The following TMEM18 variants were observed in gnomAD, a reference collection of about 807,000 sequenced individuals.
TMEM18 encodes the protein transmembrane protein 18.
TMEM18 carries 14 observed loss-of-function variants against 17.4 expected under a neutral mutation model. That is an observed-to-expected ratio of 0.80 (90% CI 0.53 to 1.25). TMEM18 has a LOEUF of 1.25. TMEM18 is among the 50% of genes most tolerant of loss of function. TMEM18 has a pLI of 0.00. For missense variants in TMEM18, 187 were observed against 172.1 expected (o/e 1.09, Z -0.48); for synonymous variants, 86 against 66.1 (o/e 1.30, Z -1.46).
In TMEM18 at chr2:675,526, C is replaced by G. The variant is rs1278939944; in HGVS notation, c.162G>C (p.Gly54=). 1 of 1,614,206 alleles carries G rather than the reference C, an allele frequency of 6.2e-7. No homozygotes were observed. Among genetic ancestry groups the G allele is most frequent in the Non-Finnish European group, 8.5e-7 (1 of 1,180,028 alleles). The change falls in exon 2 of 5, where the codon GGG becomes GGC. Residue 54 remains glycine (G), a synonymous_variant. Transcript: ENST00000281017. ...TTTACTCACCTAGACACAGAAAGTG[C>G]CCGATCTGTAGTCTGTAGCTTCGGG... The part of the protein sequence containing the change: ...LSSRSYRLQI[G]HFLCLVILVY...
chr2:675,923 T>C (rs542227078), intron 1 of TMEM18: 1 of 1,418,350 alleles, frequency 7.1e-7, no homozygotes, highest in East Asian at 3.3e-5. Context: ...GCTCCTTTCG[T>C]TTGTGGAACA....
Position 669,673 on chromosome 2 carries a change from AACCTAAAC to A in TMEM18, c.328-6_329del, listed in dbSNP as rs1678786023. ...CATTCAAAGTCTTCCATACCCACAT[AACCTAAAC>A]ACAATTGTTTGAGACATGTTTAGAT... On this transcript the variant is annotated splice_acceptor_variant and splice_polypyrimidine_tract_variant and coding_sequence_variant and intron_variant, in exon 5 of 5. Transcript: ENST00000281017. LOFTEE classifies it high-confidence loss of function. 2 of 1,614,014 alleles carry A rather than the reference AACCTAAAC, an allele frequency of 1.2e-6. No individual in the cohort carries two copies. Among genetic ancestry groups the A allele is most frequent in the Non-Finnish European group, 1.7e-6 (2 of 1,180,040 alleles).
intron 1 of TMEM18, 89 bp from the exon 2 acceptor site, chr2:675,719 C>G: frequency 2.6e-6 from 4 of 1,558,960 alleles, no homozygotes; most frequent in Non-Finnish European, 3.5e-6. Flanking sequence ...GCGCAGGAGG[C>G]AGGGGCCTCT....
Position 675,541 on chromosome 2 carries a change from G to A in TMEM18, c.147C>T (p.Tyr49=). The A allele has an allele frequency of 6.2e-7, 1 of 1,614,254 alleles. No individual in the cohort carries two copies. The highest frequency in any genetic ancestry group is 8.5e-7 in the Non-Finnish European group (1 of 1,180,044). Residue 49 remains tyrosine, a synonymous_variant, in exon 2 of 5, where the codon TAC becomes TAT. Coordinates refer to ENST00000281017, the MANE Select transcript of TMEM18 (RefSeq NM_152834.4). ...ACAGAAAGTGCCCGATCTGTAGTCT[G>A]TAGCTTCGGGAGGACAAGCAGGTGA... is the stretch of plus-strand genomic sequence containing the variant. ...VLLTCLSSRS[Y]RLQIGHFLCL... is the part of the protein sequence containing the mutation.
chr2:677,277 G>A lies in TMEM18; in HGVS notation c.57+12C>T, dbSNP rs1186981466. 3 of 1,609,242 alleles carry A rather than the reference G, an allele frequency of 1.9e-6. No individual in the cohort carries two copies. Among genetic ancestry groups the A allele is most frequent in the Non-Finnish European group, 8.5e-7 (1 of 1,179,142 alleles). On this transcript the variant is annotated intron_variant, in intron 1 of 4. Coordinates refer to ENST00000281017, the MANE Select transcript of TMEM18 (RefSeq NM_152834.4). ...CTCCCCCGAACTGGTGGTTACGCGG[G>A]CCGCGAGTTACCGTGAGCACGGCTG... is the stretch of plus-strand genomic sequence containing the variant.
intron 1 of TMEM18, chr2:676,730 C>G: frequency 1.6e-6 from 2 of 1,263,266 alleles, no homozygotes; most frequent in Non-Finnish European, 2.2e-6. Flanking sequence ...CACTGGGCAG[C>G]GTTCCTCCGT....
intron 1 of TMEM18, chr2:676,670 G>C (rs1298959634): frequency 1.9e-6 from 3 of 1,545,382 alleles, no homozygotes; most frequent in Non-Finnish European, 2.6e-6. Context: ...TGGGGCGTGG[G>C]CTCCCCTGGG....
chr2:673,534 T>G (rs1301309753), intron 2 of TMEM18, among the ~76,000 whole-genome samples: 1 of 152,132 alleles, frequency 6.6e-6, no homozygotes, highest in African/African-American at 2.4e-5. Context: ...AAAATATGAT[T>G]CGGCAAATTA....
chr2:677,285 T>G lies in TMEM18; in HGVS notation c.57+4A>C. ...AACTGGTGGTTACGCGGGCCGCGAG[T>G]TACCGTGAGCACGGCTGGGATGCTG... On this transcript the variant is annotated splice_donor_region_variant and intron_variant, in intron 1 of 4. Coordinates refer to ENST00000281017, the MANE Select transcript of TMEM18 (RefSeq NM_152834.4). 1 of 1,610,878 alleles carries G rather than the reference T, an allele frequency of 6.2e-7. No homozygotes were observed. Among genetic ancestry groups the G allele is most frequent in the Non-Finnish European group, 8.5e-7 (1 of 1,179,508 alleles).
chr2:664,330 T>C lies in TMEM18; in HGVS notation c.*5250A>G, dbSNP rs1678620304. Among the ~76,000 whole-genome samples, 1 of 152,212 alleles carries C rather than the reference T, an allele frequency of 6.6e-6. No homozygotes were observed. The highest frequency in any genetic ancestry group is 2.4e-5 in the African/African-American group (1 of 41,444). On this transcript the variant is annotated 3_prime_UTR_variant, in exon 5 of 5. Transcript: ENST00000281017. ...TGATGATACATAAAGCAAAAAACTG[T>C]TTGACTTTCTAAAACCTTTTCAACA...
chr2:675,529 G>A lies in TMEM18; in HGVS notation c.159C>T (p.Ile53=), dbSNP rs145213198. Reference sequence around the variant, plus strand: ...ACTCACCTAGACACAGAAAGTGCCCGATCTGTAGTCTGTAGCTTCGGGAGG... The same window carrying A: ...ACTCACCTAGACACAGAAAGTGCCCAATCTGTAGTCTGTAGCTTCGGGAGG... The part of the protein sequence containing the change: ...CLSSRSYRLQ[I]GHFLCLVILV... The change falls in exon 2 of 5, where the codon ATC becomes ATT. Residue 53 remains isoleucine (I), a synonymous_variant. Coordinates refer to ENST00000281017, the MANE Select transcript of TMEM18 (RefSeq NM_152834.4). 6.2e-5 allele frequency: 100 copies of A among 1,614,112 alleles called. No individual in the cohort carries two copies. Among genetic ancestry groups the A allele is most frequent in the Non-Finnish European group, 7.8e-5 (92 of 1,180,036 alleles).
chr2:676,611 T>C (rs1659227593), intron 1 of TMEM18: 2 of 1,550,400 alleles, frequency 1.3e-6, no homozygotes, highest in South Asian at 1.2e-5. Context: ...GGAGCACGGC[T>C]TTCTGCCCAG....
rs1215533934 is a variant in TMEM18, at chr2:677,377, C to G, written c.-32G>C. ...GGGAAGCCCGCTCTCACAGCAACCG[C>G]CGAACCCGGCCTGGCCAGAATCCAC... On this transcript the variant is annotated 5_prime_UTR_variant, in exon 1 of 5. Transcript: ENST00000281017. 1 of 1,606,646 alleles carries G rather than the reference C, an allele frequency of 6.2e-7. No individual in the cohort carries two copies. The highest frequency in any genetic ancestry group is 2.2e-5 in the East Asian group (1 of 44,672).
At chr2:677,020 GC>G (rs1659266416) in intron 1 of TMEM18, among the ~76,000 whole-genome samples, 1 of 135,782 alleles carries the variant, frequency 7.4e-6, no homozygotes, top group African/African-American at 2.7e-5. Flanking sequence ...CCGCCCAACG[GC>G]CCAGGACCCC....
At chr2:675,373 G>A (rs911934895) in intron 2 of TMEM18, 137 bp downstream of exon 2, 6 of 1,290,470 alleles carry the variant, frequency 4.6e-6, no homozygotes, top group Non-Finnish European at 6.5e-6. Flanking sequence ...AAACGGGAGT[G>A]CCCTGGGAGC....
In TMEM18 at chr2:664,809, T is replaced by G. The variant is rs1678635849; in HGVS notation, c.*4771A>C. Among the ~76,000 whole-genome samples the G allele has an allele frequency of 6.6e-6, 1 of 152,250 alleles. No homozygotes were observed. The highest frequency in any genetic ancestry group is 1.5e-5 in the Non-Finnish European group (1 of 68,048). On this transcript the variant is annotated 3_prime_UTR_variant, in exon 5 of 5. Transcript: ENST00000281017. ...AGGCATGTGAGGTTGGAGATTTCTG[T>G]GTTGCTGTTGTCAGTAAAACAATTA...
rs1678679556 is a variant in TMEM18 at position 666,027 on chromosome 2, T to C, written c.*3553A>G. Among the ~76,000 whole-genome samples, 1 of 151,622 alleles carries C rather than the reference T, an allele frequency of 6.6e-6. No homozygotes were observed. Among genetic ancestry groups the C allele is most frequent in the African/African-American group, 2.4e-5 (1 of 41,198 alleles). On this transcript the variant is annotated 3_prime_UTR_variant, in exon 5 of 5. Transcript: ENST00000281017. ...GTACAACAGAACCCCGAGATGCAGA[T>C]GCTCAGCTCACTGAGATGGAGCATC...
rs1474921786 is a variant in TMEM18 at position 676,132 on chromosome 2, T to A, written c.58-502A>T. 6 of 1,324,878 alleles carry A rather than the reference T, an allele frequency of 4.5e-6. No individual in the cohort carries two copies. The Admixed American group carries it at 1.1e-4, about 25-fold the overall frequency. The allele number at this position is 1,324,878 out of a possible 1,614,324, so 82.1% of individuals were successfully genotyped here. A position where few individuals can be genotyped will look rare whatever the true frequency, so the allele number is the denominator to read the frequency against. On this transcript the variant is annotated intron_variant, in intron 1 of 4. Transcript: ENST00000281017. The stretch of plus-strand genomic sequence containing the variant: ...GAAGACCTCAGGGAATCTTGAGCCA[T>A]CGCCACGTGCAAGACTTGATTTTCT...
intron 2 of TMEM18, among the ~76,000 whole-genome samples, chr2:673,220 G>A (rs371043175): frequency 6.6e-6 from 1 of 152,336 alleles, no homozygotes; most frequent in Middle Eastern, 3.4e-3. Context: ...CACAGAACAC[G>A]GCAGCAGGAG....
Sources: gnomAD v4.1 joint callset for allele counts (sites outside exome capture counted in the v4.1 genomes callset) on GRCh38, gnomAD v4.1.1 for gene constraint, MANE v1.5 for transcripts, NCBI Gene and HGNC (gene_info 2026-07-23, HGNC 2026-07-21) for gene names.